Variants in SLC35F4 observed in about 807,000 individuals in gnomAD.
The protein encoded by SLC35F4 is solute carrier family 35 member F4.
Under a neutral mutation model 44.2 loss-of-function variants are expected in SLC35F4, and 24 were observed. The ratio of observed to expected loss-of-function variants is 0.54; its 90% CI spans 0.39 to 0.76. SLC35F4 has a LOEUF of 0.76. Among genes scored for constraint, SLC35F4 ranks in the 30% least tolerant of loss-of-function variants. The pLI is 0.00. For missense variants in SLC35F4, 562 were observed against 586.1 expected, an observed-to-expected ratio of 0.96 and a Z score of 0.42; for synonymous variants, 238 against 223.6, an observed-to-expected ratio of 1.06 and a Z score of -0.57.
At chr14:57,950,436 A>T (rs75048395) in intron 1 of SLC35F4, among the ~76,000 whole-genome samples, 1 of 151,088 alleles carries the variant, frequency 6.6e-6, no homozygotes, top group Non-Finnish European at 1.5e-5. Context: ...CATATCCTGT[A>T]TTTTTTTTAA....
intron 1 of SLC35F4, among the ~76,000 whole-genome samples, chr14:57,766,386 T>C (rs1394746423): frequency 6.6e-6 from 1 of 152,182 alleles, no homozygotes; most frequent in Non-Finnish European, 1.5e-5. Flanking sequence ...GGGAAGGATT[T>C]GTTCCACTCT....
chr14:57,721,093 T>C (rs2140436358), intron 1 of SLC35F4, among the ~76,000 whole-genome samples: 1 of 148,366 alleles, frequency 6.7e-6, no homozygotes, highest in South Asian at 2.2e-4. Context: ...GTAATACAGA[T>C]TTTGGTACCA....
upstream of SLC35F4, among the ~76,000 whole-genome samples, chr14:57,868,045 T>C (rs1319178593): frequency 6.6e-6 from 1 of 152,194 alleles, no homozygotes; most frequent in Non-Finnish European, 1.5e-5. Context: ...TGCTTTATTT[T>C]CATAAATCTC....
intron 1 of SLC35F4, among the ~76,000 whole-genome samples, chr14:57,838,242 G>A (rs1376888430): frequency 6.6e-6 from 1 of 152,174 alleles, no homozygotes; most frequent in Non-Finnish European, 1.5e-5. Context: ...GAGAACAGAG[G>A]TGAGGCTTCA....
At chr14:57,916,106 G>A (rs770860305) in intron 1 of SLC35F4, among the ~76,000 whole-genome samples, 1 of 152,218 alleles carries the variant, frequency 6.6e-6, no homozygotes, top group Non-Finnish European at 1.5e-5. Flanking sequence ...TCCAAGAGCA[G>A]AGTACCAGCA....
intron 1 of SLC35F4, among the ~76,000 whole-genome samples, chr14:57,815,827 T>G (rs1424491358): frequency 1.3e-5 from 2 of 152,052 alleles, no homozygotes; most frequent in East Asian, 3.9e-4. Context: ...TTCCTCCTCA[T>G]AGGCACAAAT....
chr14:57,577,721 T>G (rs1418534167), intron 4 of SLC35F4, among the ~76,000 whole-genome samples: 1 of 151,942 alleles, frequency 6.6e-6, no homozygotes, highest in Non-Finnish European at 1.5e-5. Context: ...ATTTAAGAAC[T>G]CTAGCTAAAC....
chr14:57,852,906 A>G (rs1886711040), intron 1 of SLC35F4, among the ~76,000 whole-genome samples: 1 of 152,144 alleles, frequency 6.6e-6, no homozygotes, highest in Non-Finnish European at 1.5e-5. Flanking sequence ...AATTCTTCTT[A>G]TGTCTGGTTT....
At chr14:57,734,633 T>C (rs1397848454) in intron 1 of SLC35F4, among the ~76,000 whole-genome samples, 1 of 152,194 alleles carries the variant, frequency 6.6e-6, no homozygotes, top group Non-Finnish European at 1.5e-5. Flanking sequence ...CAGGGATTTA[T>C]AGCAATATAT....
At chr14:57,931,365 T>C (rs535301890) in intron 1 of SLC35F4, among the ~76,000 whole-genome samples, 11 of 152,340 alleles carry the variant, frequency 7.2e-5, no homozygotes, top group African/African-American at 2.6e-4. Context: ...CATCCCTTTC[T>C]ATTTATAGAG....
intron 1 of SLC35F4, among the ~76,000 whole-genome samples, chr14:57,779,842 A>T (rs1417059230): frequency 6.6e-6 from 1 of 152,226 alleles, no homozygotes; most frequent in East Asian, 1.9e-4. Context: ...CCACAAGATT[A>T]TCTCAATAGA....
chr14:57,820,332 A>T (rs1428452109), intron 1 of SLC35F4, among the ~76,000 whole-genome samples: 2 of 152,228 alleles, frequency 1.3e-5, no homozygotes, highest in African/African-American at 4.8e-5. Flanking sequence ...AATGTAGATA[A>T]GAGTAGGCTG....
chr14:57,782,384 A>AAAG (rs1449610019), intron 1 of SLC35F4, among the ~76,000 whole-genome samples: 2 of 152,122 alleles, frequency 1.3e-5, no homozygotes, highest in Admixed American at 6.6e-5. Context: ...AATATCAAAA[A>AAAG]AAAAAGAAAA....
chr14:57,873,237 C>T (rs1253346234), intron 1 of SLC35F4, among the ~76,000 whole-genome samples: 2 of 152,174 alleles, frequency 1.3e-5, no homozygotes, highest in East Asian at 3.8e-4. Flanking sequence ...GCATTATAGT[C>T]TATCTTGCTG....
At chr14:57,780,771 G>A (rs917665160) in intron 1 of SLC35F4, among the ~76,000 whole-genome samples, 7 of 151,682 alleles carry the variant, frequency 4.6e-5, no homozygotes. Context: ...TAAAAACATA[G>A]ACCAAGGGAA....
At chr14:57,811,133 C>A (rs1235123214) in intron 1 of SLC35F4, among the ~76,000 whole-genome samples, 1 of 152,180 alleles carries the variant, frequency 6.6e-6, no homozygotes, top group Non-Finnish European at 1.5e-5. Context: ...AAAGCAGCAA[C>A]TTCTCTGAAC....
At chr14:57,812,113 A>G (rs762746497) in intron 1 of SLC35F4, among the ~76,000 whole-genome samples, 49 of 152,196 alleles carry the variant, frequency 3.2e-4, no homozygotes, top group Non-Finnish European at 5.4e-4. Context: ...ACACTAGCTA[A>G]TCAGTGATGT....
chr14:57,878,839 C>A (rs1464345268), intron 1 of SLC35F4, among the ~76,000 whole-genome samples: 1 of 152,132 alleles, frequency 6.6e-6, no homozygotes, highest in Non-Finnish European at 1.5e-5. Context: ...TTCATTAATA[C>A]TGGTTATCAA....
chr14:57,644,251 C>T (rs1354355107), intron 1 of SLC35F4, among the ~76,000 whole-genome samples: 1 of 152,150 alleles, frequency 6.6e-6, no homozygotes, highest in Non-Finnish European at 1.5e-5. Context: ...AAAAGTGTTC[C>T]TATTTCTCCA....
Sources: gnomAD v4.1 joint callset for allele counts (sites outside exome capture counted in the v4.1 genomes callset) on GRCh38, gnomAD v4.1.1 for gene constraint, MANE v1.5 for transcripts, NCBI Gene and HGNC (gene_info 2026-07-23, HGNC 2026-07-21) for gene names.